GPC5: variants seen among roughly 807,000 people sequenced by gnomAD.
GPC5 encodes the protein glypican-5.
Under a neutral mutation model 53.9 loss-of-function variants are expected in GPC5, and 47 were observed. That is an observed-to-expected ratio of 0.87 (90% confidence interval 0.69 to 1.11). GPC5 has a LOEUF of 1.11. GPC5 is among the 50% of genes most tolerant of loss of function. GPC5 has a pLI of 0.00. For synonymous variants in GPC5, 286 were observed against 263.3 expected, an observed-to-expected ratio of 1.09 and a Z score of -0.84; for missense variants, 748 against 713.1, an observed-to-expected ratio of 1.05 and a Z score of -0.56.
intron 6 of GPC5, among the ~76,000 whole-genome samples, chr13:91,965,305 T>C (rs985413155): frequency 2.0e-5 from 3 of 152,182 alleles, no homozygotes; most frequent in Non-Finnish European, 2.9e-5. Flanking sequence ...TTCAGAAATG[T>C]AACTTGCTCA....
At chr13:91,438,835 T>C (rs1225810614) in intron 1 of GPC5, among the ~76,000 whole-genome samples, 1 of 152,228 alleles carries the variant, frequency 6.6e-6, no homozygotes, top group Non-Finnish European at 1.5e-5. Context: ...GGCCACTTTG[T>C]TTACCTACTC....
chr13:92,559,321 AGTGTGTATAT>A (rs901610902), intron 7 of GPC5, among the ~76,000 whole-genome samples: 1 of 127,438 alleles, frequency 7.8e-6, no homozygotes, highest in African/African-American at 3.1e-5. Flanking sequence ...TGCTCTTTGT[AGTGTGTATAT>A]GTGTGTGTGT....
At chr13:92,020,388 TAA>T (rs1435313889) in intron 6 of GPC5, among the ~76,000 whole-genome samples, 5 of 152,150 alleles carry the variant, frequency 3.3e-5, no homozygotes. Flanking sequence ...AGTTTGTTGT[TAA>T]GAGACAAATT....
intron 7 of GPC5, among the ~76,000 whole-genome samples, chr13:92,613,527 TTATA>T (rs542033464): frequency 0.22 from 25,369 of 114,706 alleles, 3,672 homozygotes; most frequent in African/African-American, 0.25. Flanking sequence ...AATATATAAT[TTATA>T]TATAAAATAT....
intron 5 of GPC5, among the ~76,000 whole-genome samples, chr13:91,819,025 G>A (rs369494812): frequency 6.6e-5 from 10 of 151,650 alleles, no homozygotes; most frequent in Admixed American, 1.3e-4. Flanking sequence ...AGAAGACAGC[G>A]TAATGAAACA....
chr13:91,689,596 C>CT (rs542297567), intron 2 of GPC5, among the ~76,000 whole-genome samples: 8 of 149,254 alleles, frequency 5.4e-5, no homozygotes, highest in East Asian at 1.9e-4. Context: ...ACTCTATAAG[C>CT]TTTTTTTTTC....
chr13:91,400,531 T>C (rs183511305), intron 1 of GPC5, among the ~76,000 whole-genome samples: 4 of 152,340 alleles, frequency 2.6e-5, no homozygotes, highest in Admixed American at 2.6e-4. Flanking sequence ...TCTTAGTGCA[T>C]TCTTTTCATT....
intron 7 of GPC5, among the ~76,000 whole-genome samples, chr13:92,287,994 T>C (rs1275284693): frequency 1.3e-5 from 2 of 152,126 alleles, no homozygotes; most frequent in African/African-American, 4.8e-5. Context: ...GTCCAGTCTA[T>C]CTTCAATAGC....
At chr13:92,242,889 A>G (rs2042623962) in intron 7 of GPC5, among the ~76,000 whole-genome samples, 1 of 152,216 alleles carries the variant, frequency 6.6e-6, no homozygotes, top group Non-Finnish European at 1.5e-5. Flanking sequence ...TTAAAGCTAT[A>G]GGATTTTATG....
intron 5 of GPC5, among the ~76,000 whole-genome samples, chr13:91,869,434 T>C (rs1186310923): frequency 6.6e-6 from 1 of 152,220 alleles, no homozygotes; most frequent in Non-Finnish European, 1.5e-5. Context: ...GAAAAATATA[T>C]GTACCACACT....
At chr13:92,287,206 T>C (rs987240454) in intron 7 of GPC5, among the ~76,000 whole-genome samples, 1 of 152,232 alleles carries the variant, frequency 6.6e-6, no homozygotes, top group African/African-American at 2.4e-5. Context: ...CTTCAGTCCA[T>C]AGTGTTCAGA....
At chr13:91,494,810 C>A (rs1002376929) in intron 2 of GPC5, among the ~76,000 whole-genome samples, 3 of 151,992 alleles carry the variant, frequency 2.0e-5, no homozygotes, top group Admixed American at 2.0e-4. Flanking sequence ...GAATCTTTTT[C>A]TGATTTCTCC....
chr13:91,479,309 A>G (rs1883179699), intron 2 of GPC5, among the ~76,000 whole-genome samples: 1 of 152,120 alleles, frequency 6.6e-6, no homozygotes, highest in Non-Finnish European at 1.5e-5. Flanking sequence ...CATGTCACAA[A>G]AGCATCTAAA....
chr13:91,656,385 A>T (rs1406056882), intron 2 of GPC5, among the ~76,000 whole-genome samples: 1 of 152,194 alleles, frequency 6.6e-6, no homozygotes, highest in Non-Finnish European at 1.5e-5. Context: ...GAATGGAAAC[A>T]ATGATTGCAG....
intron 7 of GPC5, among the ~76,000 whole-genome samples, chr13:92,804,995 T>C (rs1165188470): frequency 6.7e-6 from 1 of 150,272 alleles, no homozygotes; most frequent in African/African-American, 2.5e-5. Context: ...TTTAGCTACA[T>C]CTTCAGATTC....
chr13:91,702,364 T>TAAG (rs1018975429), intron 3 of GPC5, among the ~76,000 whole-genome samples: 2 of 152,120 alleles, frequency 1.3e-5, no homozygotes, highest in African/African-American at 2.4e-5. Context: ...AAAATCTTGC[T>TAAG]AAGACTAATG....
At position 92,364,678 on chromosome 13, in the gene GPC5, C is replaced by G. The variant is rs1412677647; in HGVS notation, c.1561+219689C>G. On this transcript the variant is annotated intron_variant, in intron 7 of 7. Transcript: ENST00000377067. Reference sequence around the variant, plus strand: ...CCGGGAGGCGGAGCTTGCAGTGAGCCTAGATCGCGCCACTGCACTCCAGTC... The same window carrying G: ...CCGGGAGGCGGAGCTTGCAGTGAGCGTAGATCGCGCCACTGCACTCCAGTC... 2.0e-5 allele frequency among the ~76,000 whole-genome samples: 3 copies of G among 151,634 alleles called. 1 individual carries two copies. Among genetic ancestry groups the G allele is most frequent in the African/African-American group, 4.9e-5 (2 of 40,956 alleles).
At chr13:92,387,714 T>C (rs1332976694) in intron 7 of GPC5, among the ~76,000 whole-genome samples, 2 of 152,192 alleles carry the variant, frequency 1.3e-5, no homozygotes, top group African/African-American at 2.4e-5. Context: ...AATCAGATTT[T>C]ATGGGTGTGA....
At chr13:92,657,579 G>GTTTTTTTTT (rs67038073) in intron 7 of GPC5, among the ~76,000 whole-genome samples, 25 of 106,716 alleles carry the variant, frequency 2.3e-4, no homozygotes, top group East Asian at 6.6e-4. Flanking sequence ...AGGTTTTTTG[G>GTTTTTTTTT]TTTTTTTTTT....
Sources: gnomAD v4.1 joint callset for allele counts (sites outside exome capture counted in the v4.1 genomes callset) on GRCh38, gnomAD v4.1.1 for gene constraint, MANE v1.5 for transcripts, NCBI Gene and HGNC (gene_info 2026-07-23, HGNC 2026-07-21) for gene names.